Variants in RNF19B observed in about 807,000 individuals in gnomAD.
The protein encoded by RNF19B is E3 ubiquitin-protein ligase RNF19B.
Under a neutral mutation model 65.5 loss-of-function variants are expected in RNF19B, and 23 were observed. That is an observed-to-expected ratio of 0.35 (90% CI 0.25 to 0.50). The LOEUF is 0.50. Ranked by LOEUF, RNF19B falls within the 20% of genes least tolerant of loss-of-function variation. RNF19B has a pLI of 0.98. For missense variants in RNF19B, 794 were observed against 980.0 expected (o/e 0.81, Z 2.53); for synonymous variants, 372 against 379.6 (o/e 0.98, Z 0.23).
At chr1:32,948,692 T>C (rs1570100666) in intron 2 of RNF19B, among the ~76,000 whole-genome samples, 1 of 152,200 alleles carries the variant, frequency 6.6e-6, no homozygotes, top group East Asian at 1.9e-4. Context: ...GATAGGCTGG[T>C]AGATTTAAAA....
chr1:32,942,956 C>T (rs1191995002), intron 6 of RNF19B, among the ~76,000 whole-genome samples: 10 of 151,312 alleles, frequency 6.6e-5, no homozygotes, highest in South Asian at 4.2e-4. Flanking sequence ...CTGGCTAACA[C>T]GGTGAAACCC....
intron 1 of RNF19B, among the ~76,000 whole-genome samples, chr1:32,957,335 C>T (rs1179800694): frequency 2.0e-5 from 3 of 152,200 alleles, no homozygotes; most frequent in African/African-American, 7.2e-5. Flanking sequence ...AACCATCATG[C>T]AAATTCTATT....
intron 7 of RNF19B, among the ~76,000 whole-genome samples, chr1:32,941,569 G>C (rs573825072): frequency 6.6e-6 from 1 of 151,952 alleles, no homozygotes; most frequent in Admixed American, 6.6e-5. Flanking sequence ...AATAAGCCAT[G>C]ATACAGCATA....
Position 32,964,305 on chromosome 1 carries a change from C to G in RNF19B, c.381G>C (p.Pro127=), listed in dbSNP as rs1461156233. ...VECPLCLVRL[P]PERAPRLLSC... The stretch of plus-strand genomic sequence containing the variant: ...TGAGGAGGCGCGGGGCCCGCTCAGG[C>G]GGCAGCCGCACCAGGCACAGCGGAC... Residue 127 remains proline (P), a synonymous_variant, in exon 1 of 9, where the codon CCG becomes CCC. Coordinates refer to ENST00000235150, the MANE Select transcript of RNF19B (RefSeq NM_001300826.2). This position sits in a 1 kb window ranked among gnomAD's most constrained non-coding sequence, Gnocchi z 6.5. The G allele has an allele frequency of 6.6e-7, 1 of 1,515,864 alleles. No homozygotes were observed. Among genetic ancestry groups the G allele is most frequent in the South Asian group, 1.2e-5 (1 of 81,288 alleles). The allele number at this position is 1,515,864 out of a possible 1,614,324, so 93.9% of individuals were successfully genotyped here.
chr1:32,945,384 G>A, intron 5 of RNF19B, 130 bp downstream of exon 5: 1 of 571,244 alleles, frequency 1.8e-6, no homozygotes, highest in Non-Finnish European at 3.2e-6. Flanking sequence ...TAATCATGGT[G>A]CCTAACAGAA....
At chr1:32,946,685 A>G (rs1388434450) in intron 3 of RNF19B, 121 bp from the exon 4 acceptor site, 1 of 844,954 alleles carries the variant, frequency 1.2e-6, no homozygotes, top group East Asian at 2.7e-5. Flanking sequence ...TTTATGGGAA[A>G]TGAATACATT....
At chr1:32,962,116 G>A (rs963748583) in intron 1 of RNF19B, among the ~76,000 whole-genome samples, 5 of 152,022 alleles carry the variant, frequency 3.3e-5, no homozygotes, top group African/African-American at 1.2e-4. Flanking sequence ...CTACAGGTGT[G>A]CACCACCATG....
intron 8 of RNF19B, among the ~76,000 whole-genome samples, chr1:32,937,790 G>GTGCTCAGA: frequency 6.6e-6 from 1 of 152,074 alleles, no homozygotes; most frequent in Admixed American, 6.6e-5. Flanking sequence ...ATGCACACGT[G>GTGCTCAGA]TGCTCAGATG....
intron 3 of RNF19B, among the ~76,000 whole-genome samples, chr1:32,947,814 C>T (rs1343919259): frequency 2.6e-5 from 4 of 151,722 alleles, no homozygotes; most frequent in Non-Finnish European, 5.9e-5. Flanking sequence ...ATATTTATGA[C>T]AAAAGATAAA....
chr1:32,964,062 G>A lies in RNF19B; in HGVS notation c.624C>T (p.Ala208=), dbSNP rs935911417. The change falls in exon 1 of 9, where the codon GCC becomes GCT. Residue 208 remains alanine (A), a synonymous_variant. Coordinates refer to ENST00000235150, the MANE Select transcript of RNF19B (RefSeq NM_001300826.2). This position sits in a 1 kb window ranked among gnomAD's most constrained non-coding sequence, Gnocchi z 6.5. ...GCCCCCGCGCTCACCCGCAGTCCGG[G>A]GCCGGGCACCAGCGGCAGTCGGGGT... ...ASDPDCRWCP[A]PDCGYAVIAY... is the part of the protein sequence containing the mutation. 2 of 1,512,954 alleles carry A rather than the reference G, an allele frequency of 1.3e-6. No homozygotes were observed. Among genetic ancestry groups the A allele is most frequent in the Admixed American group, 2.1e-5 (1 of 46,744 alleles). 93.7% of individuals were successfully genotyped at this position (1,512,954 alleles called of 1,614,324 possible).
chr1:32,938,409 T>G lies in RNF19B; in HGVS notation c.1730A>C (p.Asn577Thr). 1 of 1,614,120 alleles carries G rather than the reference T, an allele frequency of 6.2e-7. No homozygotes were observed. Among genetic ancestry groups the G allele is most frequent in the South Asian group, 1.1e-5 (1 of 91,078 alleles). The change falls in exon 8 of 9, where the codon AAC becomes ACC. Residue 577 changes from asparagine to threonine, a missense_variant. Physicochemically the swap from Asn to Thr is moderately conservative, Grantham distance 65 (BLOSUM62 0). Transcript: ENST00000235150. ...ACTGTTCACATACCTGTCCTGTGGG[T>G]TGTAGGAACTGATTATGGAACCGGC... ...AMAGSIISSY[N>T]PQDRECNNME...
At chr1:32,963,550 T>C (rs1642821547) in intron 1 of RNF19B, among the ~76,000 whole-genome samples, 1 of 151,848 alleles carries the variant, frequency 6.6e-6, no homozygotes, top group Admixed American at 6.6e-5. Flanking sequence ...ACCCCATCTC[T>C]ACTAAAAATA....
At chr1:32,943,890 C>T in intron 6 of RNF19B, 129 bp downstream of exon 6, 1 of 900,952 alleles carries the variant, frequency 1.1e-6, no homozygotes, top group Non-Finnish European at 1.7e-6. Context: ...GCTAAAAATA[C>T]TTTACCCCCT....
intron 8 of RNF19B, among the ~76,000 whole-genome samples, chr1:32,938,140 C>CAAGAAA (rs1642147865): frequency 2.2e-5 from 1 of 46,044 alleles, no homozygotes; most frequent in Non-Finnish European, 4.0e-5. Flanking sequence ...CCAAGAAAGA[C>CAAGAAA]AAAAAAAAAA....
chr1:32,949,911 C>T, intron 1 of RNF19B, 137 bp from the exon 2 acceptor site: 1 of 642,538 alleles, frequency 1.6e-6, no homozygotes, highest in Admixed American at 2.7e-5. Flanking sequence ...CACATACACA[C>T]ATATACACAC....
rs748238841 is a variant in RNF19B at position 32,948,361 on chromosome 1, C to T, written c.844G>A (p.Asp282Asn). 6 of 1,612,354 alleles carry T rather than the reference C, an allele frequency of 3.7e-6. No homozygotes were observed. In the African/African-American group the frequency reaches 6.7e-5, roughly 18 times the overall value. Residue 282 changes from aspartate (D) to asparagine (N), a missense_variant and splice_region_variant, in exon 3 of 9, where the codon GAC becomes AAC. This residue lies in a region of RNF19B where 374 missense variants were observed against 423.8 expected (regional missense o/e 0.88). Transcript: ENST00000235150. ...CTGCATCGTGGGCATGGCTTGATGT[C>T]ATCTGCTATGAGTGGGGGAAGAATG... is the stretch of plus-strand genomic sequence containing the variant. ...LSYGQESGPD[D>N]IKPCPRCSAY...
chr1:32,958,641 G>A lies in RNF19B; in HGVS notation c.635+5410C>T, dbSNP rs562500848. On this transcript the variant is annotated intron_variant, in intron 1 of 8. Transcript: ENST00000235150. Reference sequence around the variant, plus strand: ...TGAGGCAGGAGAATAGCATGAACCCGGGAGGTGGAGCTTGCAGTGAGCCGA... The same window carrying A: ...TGAGGCAGGAGAATAGCATGAACCCAGGAGGTGGAGCTTGCAGTGAGCCGA... Among the ~76,000 whole-genome samples the A allele has an allele frequency of 7.2e-5, 11 of 152,090 alleles. No homozygotes were observed. In the South Asian group the frequency reaches 1.9e-3, roughly 26 times the overall value.
chr1:32,940,414 G>A (rs1003230898), intron 7 of RNF19B, among the ~76,000 whole-genome samples: 2 of 152,108 alleles, frequency 1.3e-5, no homozygotes, highest in African/African-American at 4.8e-5. Flanking sequence ...CCTGCCATCT[G>A]TTGCTTGAAT....
chr1:32,938,215 CAAG>C (rs1642153055), intron 8 of RNF19B, 179 bp downstream of exon 8: 1 of 369,810 alleles, frequency 2.7e-6, no homozygotes. Context: ...CAAGCGCTAA[CAAG>C]AAGAATCAAG....
Sources: allele counts gnomAD v4.1 joint callset (sites outside exome capture counted in the v4.1 genomes callset), GRCh38; gene constraint gnomAD v4.1.1; regional missense constraint gnomAD v4.1.1; non-coding constraint Gnocchi (gnomAD v3.1); transcripts MANE v1.5; gene names NCBI Gene and HGNC (gene_info 2026-07-23, HGNC 2026-07-21).